The following ASTE1 variants were observed in gnomAD, a reference collection of about 807,000 sequenced individuals.
ASTE1 encodes asteroid structure-specific endonuclease 1.
In ASTE1, 49 loss-of-function variants were observed where a neutral mutation model predicts 45.8. The observed-to-expected ratio is 1.07, with a 90% confidence interval of 0.85 to 1.36. The LOEUF is 1.36. Ranked by LOEUF, ASTE1 falls within the 40% of genes most tolerant of loss-of-function variation. The pLI, the probability that ASTE1 is intolerant of heterozygous loss-of-function variation, is 0.00. For synonymous variants in ASTE1, 296 were observed against 303.9 expected (o/e 0.97, Z 0.27); for missense variants, 709 against 804.0 (o/e 0.88, Z 1.43).
chr3:131,016,841 C>G, intron 4 of ASTE1: 2 of 462,916 alleles, frequency 4.3e-6, no homozygotes, highest in Non-Finnish European at 7.0e-6. Context: ...ATTTTCTTTT[C>G]ATAGTAGAGG....
intron 4 of ASTE1, chr3:131,016,641 C>T (rs1030392592): frequency 5.0e-6 from 2 of 396,380 alleles, no homozygotes; most frequent in African/African-American, 2.0e-5. Context: ...TCTCTAAACC[C>T]TAAATCTGTG....
chr3:131,023,636 CTTT>C (rs969506350), intron 3 of ASTE1, among the ~76,000 whole-genome samples: 1 of 152,052 alleles, frequency 6.6e-6, no homozygotes, highest in African/African-American at 2.4e-5. Flanking sequence ...TGTCTATACA[CTTT>C]TTTTGCAGTT....
At chr3:131,014,656 A>C (rs2063506083) in intron 5 of ASTE1, among the ~76,000 whole-genome samples, 1 of 152,226 alleles carries the variant, frequency 6.6e-6, no homozygotes, top group Non-Finnish European at 1.5e-5. Context: ...CCCCAGACTG[A>C]GCAGGTGTCT....
In ASTE1 at chr3:131,026,520, AG is replaced by A. The variant is rs1455600986; in HGVS notation, c.-161del. ...GAGCCCACCTACTCTGTCCTCCCAG[AG>A]GAGTAGCTCCTCCATCAGAAGCCCG... On this transcript the variant is annotated 5_prime_UTR_variant, in exon 1 of 6. An upstream open reading frame in the 5' UTR loses its in-frame stop. Transcript: ENST00000264992. 4.6e-5 allele frequency: 7 copies of A among 152,452 alleles called. No individual in the cohort carries two copies. Among genetic ancestry groups the A allele is most frequent in the Admixed American group, 2.6e-4 (4 of 15,282 alleles). 9.4% of individuals were successfully genotyped at this position (152,452 alleles called of 1,614,324 possible).
chr3:131,018,261 C>A (rs1211521649), intron 4 of ASTE1, among the ~76,000 whole-genome samples: 2 of 152,144 alleles, frequency 1.3e-5, no homozygotes, highest in Non-Finnish European at 1.5e-5. Context: ...TGGAAGTTGG[C>A]AGTACCCCAA....
At position 131,025,080 on chromosome 3, in the gene ASTE1, A is replaced by C; in HGVS notation, c.227T>G (p.Val76Gly). The C allele has an allele frequency of 7.4e-6, 12 of 1,613,610 alleles. No homozygotes were observed. Among genetic ancestry groups the C allele is most frequent in the Non-Finnish European group, 1.0e-5 (12 of 1,179,766 alleles). Residue 76 changes from valine (V) to glycine (G), a missense_variant, in exon 3 of 6, where the codon GTT becomes GGT. Val to Gly is a moderately radical substitution (Grantham distance 109, BLOSUM62 -3). Transcript: ENST00000264992. Reference sequence around the variant, plus strand: ...AATGTCACATCCTCCATCTAATACAACATATGGGCATATATTACAAGCAAA... The same window carrying C: ...AATGTCACATCCTCCATCTAATACACCATATGGGCATATATTACAAGCAAA... ...SLFACNICPY[V>G]VLDGGCDISD...
chr3:131,023,867 ATT>A lies in ASTE1; in HGVS notation c.1302+136_1302+137del. 4.5e-6 allele frequency: 4 copies of A among 885,292 alleles called. No homozygotes were observed. The Admixed American group carries it at 1.3e-4, about 28-fold the overall frequency. The allele number at this position is 885,292 out of a possible 1,614,324, so 54.8% of individuals were successfully genotyped here. On this transcript the variant is annotated intron_variant, in intron 3 of 5. Coordinates refer to ENST00000264992, the MANE Select transcript of ASTE1 (RefSeq NM_014065.4). ...ATTACCTAGTTCACTCAAGTTCTAGATTTCTTAGCTACGACATGAGGGCAAGA... is the reference window on the plus strand; with the variant it reads ...ATTACCTAGTTCACTCAAGTTCTAGATCTTAGCTACGACATGAGGGCAAGA...
rs759121122 is a variant in ASTE1, at chr3:131,014,311, T to G, written c.1786A>C (p.Ile596Leu). The G allele has an allele frequency of 2.4e-5, 38 of 1,613,930 alleles. No homozygotes were observed. Among genetic ancestry groups the G allele is most frequent in the Non-Finnish European group, 3.1e-5 (36 of 1,180,002 alleles). The change falls in exon 6 of 6, where the codon ATA becomes CTA. Residue 596 changes from isoleucine to leucine, a missense_variant. Coordinates refer to ENST00000264992, the MANE Select transcript of ASTE1 (RefSeq NM_014065.4). ...TAAAGTTGCTTAGCCTCAGGACATA[T>G]GCTCAGGAGACTTTCTACAGAGGTC... ...ASTSVESLLS[I>L]CPEAKQLYEY...
intron 5 of ASTE1, 144 bp from the exon 6 acceptor site, chr3:131,014,531 A>G (rs966953788): frequency 1.2e-6 from 1 of 844,000 alleles, no homozygotes; most frequent in Non-Finnish European, 1.7e-6. Flanking sequence ...CTTAAGAATA[A>G]TCTGTTCTTT....
intron 3 of ASTE1, among the ~76,000 whole-genome samples, chr3:131,023,449 C>CTAGT (rs2063768548): frequency 6.6e-6 from 1 of 152,090 alleles, no homozygotes; most frequent in African/African-American, 2.4e-5. Flanking sequence ...GTTTAAGCAA[C>CTAGT]ACTAAGTTAG....
chr3:131,015,828 G>C (rs2063596857), intron 5 of ASTE1: 1 of 439,550 alleles, frequency 2.3e-6, no homozygotes, highest in Non-Finnish European at 4.2e-6. Context: ...TAAAGACTGA[G>C]AGGAAAGGAG....
Position 131,024,817 on chromosome 3 carries a change from A to G in ASTE1, c.490T>C (p.Cys164Arg), listed in dbSNP as rs1560064390. 1 of 1,614,112 alleles carries G rather than the reference A, an allele frequency of 6.2e-7. No individual in the cohort carries two copies. The highest frequency in any genetic ancestry group is 8.5e-7 in the Non-Finnish European group (1 of 1,180,052). The change falls in exon 3 of 6, where the codon TGC becomes CGC. Residue 164 changes from cysteine (C) to arginine (R), a missense_variant. Coordinates refer to ENST00000264992, the MANE Select transcript of ASTE1 (RefSeq NM_014065.4). The stretch of plus-strand genomic sequence containing the variant: ...AACCCAGTTTTCAGGTCAAAAATGC[A>G]AAAGTCACTATCTGATGATAACACA... ...CPVLSSDSDF[C>R]IFDLKTGFCP...
chr3:131,024,753 G>A lies in ASTE1; in HGVS notation c.554C>T (p.Thr185Ile). 1 of 1,613,652 alleles carries A rather than the reference G, an allele frequency of 6.2e-7. No individual in the cohort carries two copies. Among genetic ancestry groups the A allele is most frequent in the Non-Finnish European group, 8.5e-7 (1 of 1,179,746 alleles). Residue 185 changes from threonine (T) to isoleucine (I), a missense_variant, in exon 3 of 6, where the codon ACT becomes ATT. Coordinates refer to ENST00000264992, the MANE Select transcript of ASTE1 (RefSeq NM_014065.4). The stretch of plus-strand genomic sequence containing the variant: ...GATATAGTTTTGTGTGCCCTTAATA[G>A]TGTTCATATTTCTCCACTGAAAGCT... ...LNSFQWRNMN[T>I]IKGTQNYIPA...
Position 131,024,589 on chromosome 3 carries a change from G to A in ASTE1, c.718C>T (p.Arg240Cys), listed in dbSNP as rs550861085. 119 of 1,612,706 alleles carry A rather than the reference G, an allele frequency of 7.4e-5. No homozygotes were observed. The highest frequency in any genetic ancestry group is 1.1e-4 in the East Asian group (5 of 44,858). ...GAACTGGTAGCTCCAAGAGGAAGAC[G>A]CGCTTTACTTAAGAATGTCTCCATG... ...PIMETFLSKA[R>C]LPLGATSSKG... The change falls in exon 3 of 6, where the codon CGT (arginine) becomes TGT (cysteine). Residue 240 changes from arginine to cysteine, a missense_variant. By Grantham distance (180) the Arg-to-Cys change is radical (BLOSUM62 -3). Transcript: ENST00000264992.
rs1475096976 is a variant in ASTE1 at position 131,018,360 on chromosome 3, A to G, written c.1513+146T>C. The G allele has an allele frequency of 1.2e-5, 9 of 761,924 alleles. No individual in the cohort carries two copies. The East Asian group carries it at 1.6e-4, about 13-fold the overall frequency. The allele number at this position is 761,924 out of a possible 1,614,324, so 47.2% of individuals were successfully genotyped here. A position where few individuals can be genotyped will look rare whatever the true frequency, so the allele number is the denominator to read the frequency against. On this transcript the variant is annotated intron_variant, in intron 4 of 5. Coordinates refer to ENST00000264992, the MANE Select transcript of ASTE1 (RefSeq NM_014065.4). The stretch of plus-strand genomic sequence containing the variant: ...TTAAAAAATATTTACCAATGAATGA[A>G]TGATATTTTGGTGCCTCCACATCTA...
intron 1 of ASTE1, 80 bp downstream of exon 1, chr3:131,026,427 C>T (rs1410983503): frequency 6.6e-6 from 1 of 152,668 alleles, no homozygotes; most frequent in African/African-American, 2.4e-5. Flanking sequence ...TGACCTAAGT[C>T]TTCAAACACA....
In ASTE1 at chr3:131,024,046, C is replaced by A; in HGVS notation, c.1261G>T (p.Glu421Ter). ...NIRTSIIDAVELAKDHSDLSR... is the reference protein window; with the variant it reads ...NIRTSIIDAV ...AAGTCAGAATGATCCTTGGCCAGTT[C>A]TACTGCATCAATGATTGAGGTTCTG... The change falls in exon 3 of 6, where the codon GAA becomes TAA. Residue 421 changes from glutamate to a stop codon, truncating the protein, a stop_gained. Transcript: ENST00000264992. LOFTEE classifies it high-confidence loss of function. 6.2e-7 allele frequency: 1 copy of A among 1,613,136 alleles called. No individual in the cohort carries two copies. The highest frequency in any genetic ancestry group is 8.5e-7 in the Non-Finnish European group (1 of 1,179,212).
rs2063458207 is a variant in ASTE1, at chr3:131,014,103, A to G, written c.1994T>C (p.Met665Thr). Residue 665 changes from methionine (M) to threonine (T), a missense_variant, in exon 6 of 6, where the codon ATG (methionine) becomes ACG (threonine). Transcript: ENST00000264992. ...ACTATGTTCCTCTAAGTTTTCAACC[A>G]TTAACAACCCAAACCGGTTGTTTCC... is the stretch of plus-strand genomic sequence containing the variant. ...YEGNNRFGLL[M>T]VENLEEHSEA... 1 of 1,605,710 alleles carries G rather than the reference A, an allele frequency of 6.2e-7. No individual in the cohort carries two copies. The highest frequency in any genetic ancestry group is 8.5e-7 in the Non-Finnish European group (1 of 1,177,996).
chr3:131,019,774 C>T (rs1016815317), intron 3 of ASTE1, among the ~76,000 whole-genome samples: 1 of 152,024 alleles, frequency 6.6e-6, no homozygotes, highest in African/African-American at 2.4e-5. Flanking sequence ...AAGATATTAA[C>T]CTGAAACAAA....
Sources: gnomAD v4.1 joint callset for allele counts (sites outside exome capture counted in the v4.1 genomes callset) on GRCh38, gnomAD v4.1.1 for gene constraint, MANE v1.5 for transcripts, NCBI Gene and HGNC (gene_info 2026-07-23, HGNC 2026-07-21) for gene names.